Variants in RTL4 observed in about 807,000 individuals in gnomAD.
RTL4 encodes retrotransposon Gag like 4.
A neutral mutation model predicts 5.3 loss-of-function variants in RTL4; 4 were observed. That is an observed-to-expected ratio of 0.75 (90% CI 0.37 to 1.72). The LOEUF (loss-of-function observed/expected upper bound fraction) is 1.72. RTL4 is among the 40% of genes most tolerant of loss of function. The pLI, the probability that RTL4 is intolerant of heterozygous loss-of-function variation, is 0.04. For synonymous variants in RTL4, 98 were observed against 87.3 expected (o/e 1.12, Z -0.68); for missense variants, 260 against 227.1 (o/e 1.14, Z -0.93).
the RTL4 span, among the ~76,000 whole-genome samples, chrX:112,210,159 A>G: frequency 8.9e-6 from 1 of 112,329 alleles, no homozygotes; most frequent in African/African-American, 3.2e-5. Context: ...AATCAAGTTG[A>G]CACTCAGCAT....
chrX:112,321,389 C>T, the RTL4 span, among the ~76,000 whole-genome samples: 701 of 109,040 alleles, frequency 6.4e-3, 6 homozygotes, highest in African/African-American at 0.022. Flanking sequence ...TACAAAAATT[C>T]GCTGGGTGTG....
At chrX:112,120,314 T>A in the RTL4 span, among the ~76,000 whole-genome samples, 1 of 112,430 alleles carries the variant, frequency 8.9e-6, no homozygotes, top group South Asian at 3.6e-4. Flanking sequence ...TCTGGCTCTG[T>A]CGCCCAGGCT....
At chrX:112,259,328 C>G in the RTL4 span, among the ~76,000 whole-genome samples, 24 of 110,960 alleles carry the variant, frequency 2.2e-4, no homozygotes, top group African/African-American at 7.5e-4. Flanking sequence ...TCATAGAAAT[C>G]TTATATATTT....
chrX:112,157,126 C>G, the RTL4 span, among the ~76,000 whole-genome samples: 82 of 107,343 alleles, frequency 7.6e-4, no homozygotes, highest in Non-Finnish European at 8.7e-4. Flanking sequence ...GATTTAATAC[C>G]TGAAAAGATA....
chrX:112,448,058 A>G, the RTL4 span, among the ~76,000 whole-genome samples: 1 of 112,100 alleles, frequency 8.9e-6, no homozygotes, highest in Non-Finnish European at 1.9e-5. Context: ...AAAAGTTTGA[A>G]TATAAGTAGG....
chrX:112,455,079 C>A (rs752424084), exon 1 of RTL4: 1 of 1,211,665 alleles, frequency 8.3e-7, no homozygotes, highest in South Asian at 1.8e-5. Context: ...CTGGGCCTGA[C>A]AAGAGTACCT....
chrX:112,351,117 G>T, the RTL4 span, among the ~76,000 whole-genome samples: 209 of 111,212 alleles, frequency 1.9e-3, no homozygotes, highest in African/African-American at 6.5e-3. Context: ...CCTTCATTTC[G>T]TTTTGTACCC....
the RTL4 span, among the ~76,000 whole-genome samples, chrX:112,241,935 C>A: frequency 2.8e-4 from 31 of 112,119 alleles, no homozygotes; most frequent in Non-Finnish European, 5.6e-4. Context: ...TTTCCCAGCA[C>A]CATTTCTTAA....
the RTL4 span, among the ~76,000 whole-genome samples, chrX:112,254,235 T>C: frequency 9.0e-6 from 1 of 111,730 alleles, no homozygotes; most frequent in Non-Finnish European, 1.9e-5. Context: ...GTTTAGATGA[T>C]GTAAAAGATG....
At chrX:112,336,161 G>A in the RTL4 span, among the ~76,000 whole-genome samples, 23,006 of 110,905 alleles carry the variant, frequency 0.21, 1,838 homozygotes, top group Admixed American at 0.32. Context: ...TTTTGTTAAA[G>A]TTCCATGGGC....
the RTL4 span, chrX:112,381,868 G>A: frequency 2.2e-3 from 2,694 of 1,206,865 alleles, 46 homozygotes; most frequent in African/African-American, 0.041. Context: ...AACTGAGCGA[G>A]CCAGACAAGA....
exon 1 of RTL4, chrX:112,456,342 T>C: frequency 3.2e-6 from 1 of 308,860 alleles, no homozygotes; most frequent in Non-Finnish European, 5.9e-6. Context: ...CCAGATTGAA[T>C]GGGCATTTGA....
the RTL4 span, among the ~76,000 whole-genome samples, chrX:112,320,818 T>C: frequency 7.8e-3 from 868 of 111,855 alleles, 2 homozygotes; most frequent in Non-Finnish European, 0.012. Context: ...ACCCCCCACA[T>C]AGGATCAATG....
At chrX:112,122,856 AATAATGACTGTCAATTTATTATTT>A in the RTL4 span, among the ~76,000 whole-genome samples, 4 of 111,769 alleles carry the variant, frequency 3.6e-5, no homozygotes, top group Non-Finnish European at 1.9e-5. Context: ...ATTTTCTAGA[AATAATGACTGTCAATTTATTATTT>A]ATTTTTAAAT....
the RTL4 span, among the ~76,000 whole-genome samples, chrX:112,397,380 C>CT: frequency 9.0e-6 from 1 of 111,332 alleles, no homozygotes; most frequent in African/African-American, 3.3e-5. Context: ...TCATTCTAGG[C>CT]TTTTTTTCAT....
At chrX:112,419,605 G>A in the RTL4 span, among the ~76,000 whole-genome samples, 79 of 20,392 alleles carry the variant, frequency 3.9e-3, no homozygotes, top group Non-Finnish European at 0.017. Context: ...TTTTACATAT[G>A]TATATGTATA....
the RTL4 span, among the ~76,000 whole-genome samples, chrX:112,169,192 G>A: frequency 9.4e-6 from 1 of 106,792 alleles, no homozygotes; most frequent in Non-Finnish European, 1.9e-5. Context: ...TCGGCTCACT[G>A]CAACCTTCGT....
At chrX:112,097,666 T>C in the RTL4 span, among the ~76,000 whole-genome samples, 7 of 111,214 alleles carry the variant, frequency 6.3e-5, no homozygotes, top group African/African-American at 2.3e-4. Flanking sequence ...ATAATGTCTG[T>C]TTCCCCCCAT....
the RTL4 span, among the ~76,000 whole-genome samples, chrX:112,432,122 G>C: frequency 1.9e-5 from 2 of 104,474 alleles, no homozygotes; most frequent in Non-Finnish European, 4.0e-5. Context: ...TCTTAATCCA[G>C]TCTATCATTG....
Sources: gnomAD v4.1 joint callset for allele counts (sites outside exome capture counted in the v4.1 genomes callset) on GRCh38, gnomAD v4.1.1 for gene constraint, MANE v1.5 for transcripts, NCBI Gene and HGNC (gene_info 2026-07-23, HGNC 2026-07-21) for gene names.